The following TMC7 variants were observed in gnomAD, a reference collection of about 807,000 sequenced individuals.
TMC7 encodes transmembrane channel-like protein 7.
Under a neutral mutation model 82.9 loss-of-function variants are expected in TMC7, and 54 were observed. That is an observed-to-expected ratio of 0.65 (90% CI 0.52 to 0.82). TMC7 has a LOEUF of 0.82. TMC7 is among the 40% of genes least tolerant of loss of function. TMC7 has a pLI of 0.00. For missense variants in TMC7, 820 were observed against 901.2 expected (o/e 0.91, Z 1.15); for synonymous variants, 350 against 337.9 (o/e 1.04, Z -0.39).
At position 19,062,969 on chromosome 16, in the gene TMC7, C is replaced by T. The variant is rs1466460951; in HGVS notation, c.*1126C>T. On this transcript the variant is annotated 3_prime_UTR_variant, in exon 16 of 16. Transcript: ENST00000304381. ...AATAATTCTCCCGGCCATCTCCACT[C>T]CACTACTCAAAAATGCCTGAATCCT... is the stretch of plus-strand genomic sequence containing the variant. 6.6e-6 allele frequency: 1 copy of T among 152,178 alleles called. No homozygotes were observed. Among genetic ancestry groups the T allele is most frequent in the Non-Finnish European group, 1.5e-5 (1 of 68,032 alleles). The allele number at this position is 152,178 out of a possible 1,614,324, so 9.4% of individuals were successfully genotyped here.
intron 1 of TMC7, among the ~76,000 whole-genome samples, chr16:18,985,698 GTTT>G (rs56873601): frequency 4.5e-5 from 6 of 132,746 alleles, no homozygotes; most frequent in African/African-American, 8.4e-5. Flanking sequence ...AGATAGATGA[GTTT>G]TTTTTTTTTT....
chr16:19,042,165 C>G (rs1419223565), intron 9 of TMC7, among the ~76,000 whole-genome samples: 1 of 151,874 alleles, frequency 6.6e-6, no homozygotes, highest in African/African-American at 2.4e-5. Flanking sequence ...TTCGCTCTTT[C>G]CCCCATTCTT....
At chr16:19,052,178 C>T (rs1032011282) in intron 13 of TMC7, among the ~76,000 whole-genome samples, 2 of 151,972 alleles carry the variant, frequency 1.3e-5, no homozygotes, top group Non-Finnish European at 2.9e-5. Context: ...GTGATCCGCC[C>T]GCCTTGGCCT....
At chr16:19,027,396 T>C (rs1483883482) in intron 5 of TMC7, among the ~76,000 whole-genome samples, 1 of 152,046 alleles carries the variant, frequency 6.6e-6, no homozygotes, top group East Asian at 1.9e-4. Flanking sequence ...GCACTTGAAA[T>C]ATGTCTAGTG....
intron 3 of TMC7, among the ~76,000 whole-genome samples, chr16:19,020,000 T>A (rs1959887151): frequency 6.6e-6 from 1 of 152,198 alleles, no homozygotes; most frequent in African/African-American, 2.4e-5. Context: ...TTCAGAATGC[T>A]TTCTATCCTC....
In TMC7 at chr16:19,044,917, C is replaced by A; in HGVS notation, c.1371C>A (p.Val457=). Residue 457 remains valine, a synonymous_variant, in exon 10 of 16, where the codon GTC becomes GTA. Coordinates refer to ENST00000304381, the MANE Select transcript of TMC7 (RefSeq NM_024847.4). ...CVFMRLATIC[V]LVFTLGSKIT... ...TTATGCGGCTGGCCACCATATGTGT[C>A]CTGGTGTTCACGCTGGGCTCCAAGA... The A allele has an allele frequency of 6.2e-7, 1 of 1,613,964 alleles. No homozygotes were observed. Among genetic ancestry groups the A allele is most frequent in the South Asian group, 1.1e-5 (1 of 91,064 alleles).
intron 1 of TMC7, among the ~76,000 whole-genome samples, chr16:19,004,041 TTAA>T (rs149164762): frequency 0.15 from 19,534 of 127,394 alleles, 2,041 homozygotes; most frequent in African/African-American, 0.32. Flanking sequence ...AAAAATAAAT[TTAA>T]AAAAAAAAAA....
intron 1 of TMC7, among the ~76,000 whole-genome samples, chr16:19,005,349 A>C (rs1404957662): frequency 2.0e-5 from 3 of 152,164 alleles, no homozygotes; most frequent in Non-Finnish European, 4.4e-5. Context: ...CGGCCTCCCA[A>C]AGTGCTGGGA....
chr16:19,047,807 A>G (rs1177625220), intron 12 of TMC7, among the ~76,000 whole-genome samples: 1 of 144,918 alleles, frequency 6.9e-6, no homozygotes, highest in Non-Finnish European at 1.5e-5. Flanking sequence ...CTGCCCCCCC[A>G]GGTTCGAGCG....
rs776871038 is a variant in TMC7 at position 19,056,587 on chromosome 16, C to G, written c.1917C>G (p.Thr639=). 6.2e-7 allele frequency: 1 copy of G among 1,614,148 alleles called. No individual in the cohort carries two copies. The highest frequency in any genetic ancestry group is 1.1e-5 in the South Asian group (1 of 91,084). The change falls in exon 14 of 16, where the codon ACC becomes ACG. Residue 639 remains threonine, a synonymous_variant. Transcript: ENST00000304381. ...GTGGGCCGTTCACCAACTTCAACAC[C>G]ACCTGGGAGGTCATCCCCAAGACGG... ...KACGPFTNFN[T]TWEVIPKTVS...
intron 6 of TMC7, among the ~76,000 whole-genome samples, chr16:19,032,524 A>C (rs2142243450): frequency 6.7e-6 from 1 of 149,686 alleles, no homozygotes; most frequent in Non-Finnish European, 1.5e-5. Flanking sequence ...GACAAAGAGT[A>C]TGAAAATATG....
intron 15 of TMC7, 179 bp downstream of exon 15, chr16:19,059,673 A>G: frequency 6.5e-7 from 1 of 1,538,790 alleles, no homozygotes; most frequent in East Asian, 2.4e-5. Flanking sequence ...TGATTCATCC[A>G]TTCCTTCAAG....
rs138688311 is a variant in TMC7, at chr16:19,016,577, G to A, written c.439G>A (p.Glu147Lys). 5.6e-6 allele frequency: 9 copies of A among 1,613,750 alleles called. No individual in the cohort carries two copies. In the African/African-American group the frequency reaches 1.2e-4, roughly 22 times the overall value. The change falls in exon 3 of 16, where the codon GAG becomes AAG. Residue 147 changes from glutamate to lysine, a missense_variant. This residue lies in a region of TMC7 where 650 missense variants were observed against 669.9 expected (regional missense o/e 0.97). Transcript: ENST00000304381. ...GACGACCCACCTGGAGCTGTGGCGG[G>A]AGGACATCCGCAGCATAGAAGGTAT... The part of the protein sequence containing the change: ...EMTTHLELWR[E>K]DIRSIEGKFG...
intron 5 of TMC7, among the ~76,000 whole-genome samples, chr16:19,030,012 G>C (rs986085860): frequency 6.6e-6 from 1 of 151,884 alleles, no homozygotes; most frequent in Non-Finnish European, 1.5e-5. Flanking sequence ...CACCTTGCCC[G>C]GCCCACCTGT....
At chr16:19,025,717 A>T (rs112948571) in intron 5 of TMC7, among the ~76,000 whole-genome samples, 2,057 of 152,150 alleles carry the variant, frequency 0.014, 38 homozygotes, top group African/African-American at 0.045. Context: ...GAAAGCCTTG[A>T]ATTTGTCCAC....
intron 8 of TMC7, among the ~76,000 whole-genome samples, 198 bp downstream of exon 8, chr16:19,038,245 GA>G (rs1181429589): frequency 6.6e-6 from 1 of 152,074 alleles, no homozygotes; most frequent in Non-Finnish European, 1.5e-5. Context: ...GCCCAGACTG[GA>G]GTGCAATGGC....
At chr16:19,025,943 C>T (rs1050817805) in intron 5 of TMC7, among the ~76,000 whole-genome samples, 1 of 151,580 alleles carries the variant, frequency 6.6e-6, no homozygotes, top group Non-Finnish European at 1.5e-5. Context: ...TGTGTATGTG[C>T]GTGTGTTTGT....
At chr16:19,042,698 T>C (rs1961074295) in intron 9 of TMC7, among the ~76,000 whole-genome samples, 1 of 150,954 alleles carries the variant, frequency 6.6e-6, no homozygotes, top group South Asian at 2.1e-4. Context: ...TTAGTAGAGA[T>C]GGGCTTTCAC....
intron 8 of TMC7, among the ~76,000 whole-genome samples, chr16:19,038,773 C>T (rs1320058248): frequency 6.6e-6 from 1 of 152,134 alleles, no homozygotes; most frequent in Admixed American, 6.5e-5. Context: ...CCACCTTGGC[C>T]TCCCAAAGTG....
Sources: gnomAD v4.1 joint callset for allele counts (sites outside exome capture counted in the v4.1 genomes callset) on GRCh38, gnomAD v4.1.1 for gene constraint, gnomAD v4.1.1 regional missense constraint, MANE v1.5 for transcripts, NCBI Gene and HGNC (gene_info 2026-07-23, HGNC 2026-07-21) for gene names.